Variants in PICALM observed in about 807,000 individuals in gnomAD.
PICALM encodes phosphatidylinositol-binding clathrin assembly protein.
A neutral mutation model predicts 80.5 loss-of-function variants in PICALM; 40 were observed. That is an observed-to-expected ratio of 0.50 (90% CI 0.39 to 0.65). PICALM has a LOEUF of 0.65. Among genes scored for constraint, PICALM ranks in the 30% least tolerant of loss-of-function variants. The pLI is 0.00. For synonymous variants in PICALM, 288 were observed against 260.3 expected, an observed-to-expected ratio of 1.11 and a Z score of -1.02; for missense variants, 676 against 778.9, an observed-to-expected ratio of 0.87 and a Z score of 1.57.
At chr11:85,995,071 A>T (rs2094915898) in intron 12 of PICALM, among the ~76,000 whole-genome samples, 1 of 152,034 alleles carries the variant, frequency 6.6e-6, no homozygotes, top group Non-Finnish European at 1.5e-5. Flanking sequence ...TTTAAAAATT[A>T]AAAAAAATAT....
At chr11:85,987,489 CAAAA>C (rs1228434137) in intron 13 of PICALM, among the ~76,000 whole-genome samples, 1 of 151,616 alleles carries the variant, frequency 6.6e-6, no homozygotes, top group Non-Finnish European at 1.5e-5. Flanking sequence ...AATATTAGAC[CAAAA>C]AAAGTGAATA....
chr11:85,983,767 T>C (rs1592548596), intron 14 of PICALM, 99 bp downstream of exon 14: 2 of 539,820 alleles, frequency 3.7e-6, no homozygotes, highest in Non-Finnish European at 6.5e-6. Context: ...GCTACCCCAG[T>C]TTAATATATC....
At chr11:86,053,748 A>C (rs2096228514) in intron 1 of PICALM, among the ~76,000 whole-genome samples, 1 of 152,046 alleles carries the variant, frequency 6.6e-6, no homozygotes, top group Non-Finnish European at 1.5e-5. Flanking sequence ...TTATATTTTC[A>C]GTAGAGATGG....
At chr11:86,066,860 T>C (rs1430162313) in intron 1 of PICALM, among the ~76,000 whole-genome samples, 4 of 151,854 alleles carry the variant, frequency 2.6e-5, no homozygotes, top group African/African-American at 9.7e-5. Flanking sequence ...GAGCCGTAAA[T>C]AGCAGAAACG....
Position 85,974,725 on chromosome 11 carries a change from G to A in PICALM, c.1927C>T (p.Pro643Ser), listed in dbSNP as rs1360203502. Reference protein sequence around the residue: ...PVMRPPNPFGPVSGAQIQFM With the variant: ...PVMRPPNPFGSVSGAQIQFM ...TGTAATACCTGTGCTCCTGATACAG[G>A]GCCAAAGGGGTTTGGAGGTCTCATG... The change falls in exon 19 of 20, where the codon CCT becomes TCT. Residue 643 changes from proline (P) to serine (S), a missense_variant. Pro to Ser is a moderately conservative substitution (Grantham distance 74). Transcript: ENST00000393346. The A allele has an allele frequency of 6.2e-7, 1 of 1,610,382 alleles. No homozygotes were observed. The highest frequency in any genetic ancestry group is 1.1e-5 in the South Asian group (1 of 91,002).
At chr11:85,984,085 CA>C (rs1268239917) in intron 13 of PICALM, 112 bp from the exon 14 acceptor site, 1 of 595,158 alleles carries the variant, frequency 1.7e-6, no homozygotes, top group Non-Finnish European at 3.0e-6. Context: ...CACACAAAAA[CA>C]AAGCCAATCC....
Position 86,011,092 on chromosome 11 carries a change from C to T in PICALM, c.703G>A (p.Asp235Asn). ...CTAGTTAGGAACTTCTTATAGATGTCAAGACCTTCTTTGCATTGGTTCTTT... is the reference window on the plus strand; with the variant it reads ...CTAGTTAGGAACTTCTTATAGATGTTAAGACCTTCTTTGCATTGGTTCTTT... ...MKKNQCKEGL[D>N]IYKKFLTRMT... Residue 235 changes from aspartate to asparagine, a missense_variant, in exon 7 of 20, where the codon GAC (aspartate) becomes AAC (asparagine). By Grantham distance (23) the Asp-to-Asn change is conservative. Coordinates refer to ENST00000393346, the MANE Select transcript of PICALM (RefSeq NM_007166.4). 2 of 1,538,070 alleles carry T rather than the reference C, an allele frequency of 1.3e-6. No homozygotes were observed. The highest frequency in any genetic ancestry group is 1.4e-5 in the African/African-American group (1 of 72,628).
At chr11:85,985,367 C>G (rs2094546191) in intron 13 of PICALM, among the ~76,000 whole-genome samples, 1 of 152,172 alleles carries the variant, frequency 6.6e-6, no homozygotes, top group Non-Finnish European at 1.5e-5. Context: ...ACTAATGATA[C>G]TACTTTAAAG....
At chr11:85,987,509 T>C (rs1307116338) in intron 13 of PICALM, among the ~76,000 whole-genome samples, 4 of 152,262 alleles carry the variant, frequency 2.6e-5, no homozygotes, top group Admixed American at 2.6e-4. Flanking sequence ...GAATAATCTT[T>C]GGCAATTTTA....
intron 7 of PICALM, among the ~76,000 whole-genome samples, chr11:86,008,579 C>T (rs2095325306): frequency 6.6e-6 from 1 of 151,610 alleles, no homozygotes; most frequent in African/African-American, 2.4e-5. Context: ...GAGATTGCTC[C>T]ACCGCACTCC....
chr11:85,959,698 G>A (rs955264103), intron 19 of PICALM, among the ~76,000 whole-genome samples: 7 of 142,856 alleles, frequency 4.9e-5, no homozygotes, highest in Non-Finnish European at 7.6e-5. Context: ...TCCTGCCTCA[G>A]CCTCCTGAAT....
At chr11:85,967,264 A>G (rs2093932834) in intron 19 of PICALM, among the ~76,000 whole-genome samples, 1 of 152,244 alleles carries the variant, frequency 6.6e-6, no homozygotes, top group Admixed American at 6.5e-5. Context: ...CTGTATACAC[A>G]GTATTATACA....
upstream of PICALM, chr11:86,069,455 C>G (rs1048713608): frequency 6.5e-6 from 1 of 152,822 alleles, no homozygotes; most frequent in Admixed American, 6.5e-5. Context: ...CTTATCCCCC[C>G]ACCTCAAGTG....
At chr11:86,007,945 C>T (rs1391403743) in intron 7 of PICALM, among the ~76,000 whole-genome samples, 13 of 150,824 alleles carry the variant, frequency 8.6e-5, no homozygotes, top group Non-Finnish European at 1.6e-4. Context: ...CATGAACAAG[C>T]TCTTTGATGC....
At chr11:86,041,713 C>G (rs761541216) in intron 1 of PICALM, among the ~76,000 whole-genome samples, 40 of 152,162 alleles carry the variant, frequency 2.6e-4, no homozygotes, top group Non-Finnish European at 5.3e-4. Context: ...TAAATGAAGT[C>G]ATTATGTAAT....
At chr11:86,055,298 C>A (rs1296435498) in intron 1 of PICALM, among the ~76,000 whole-genome samples, 2 of 58,590 alleles carry the variant, frequency 3.4e-5, no homozygotes, top group East Asian at 6.8e-4. Flanking sequence ...CCACTGCACT[C>A]CAGCCTGGAC....
intron 1 of PICALM, among the ~76,000 whole-genome samples, chr11:86,054,920 A>G (rs2096246446): frequency 6.6e-6 from 1 of 152,106 alleles, no homozygotes; most frequent in Non-Finnish European, 1.5e-5. Context: ...TACAGGCGTG[A>G]GCCACTGTGC....
At chr11:86,024,111 G>A (rs918291830) in intron 3 of PICALM, among the ~76,000 whole-genome samples, 1 of 152,050 alleles carries the variant, frequency 6.6e-6, no homozygotes, top group African/African-American at 2.4e-5. Flanking sequence ...CTAGGTGACA[G>A]AGCAAGCCCC....
intron 1 of PICALM, among the ~76,000 whole-genome samples, chr11:86,062,510 C>G (rs1184641241): frequency 6.6e-6 from 1 of 150,962 alleles, no homozygotes; most frequent in African/African-American, 2.4e-5. Context: ...AAGAGCGAAA[C>G]TCCGTCTCAA....
Sources: allele counts gnomAD v4.1 joint callset (sites outside exome capture counted in the v4.1 genomes callset), GRCh38; gene constraint gnomAD v4.1.1; transcripts MANE v1.5; gene names NCBI Gene and HGNC (gene_info 2026-07-23, HGNC 2026-07-21).